The following ADGRE1 variants were observed in gnomAD, a reference collection of about 807,000 sequenced individuals.
ADGRE1 encodes the protein adhesion G protein-coupled receptor E1, also known as EGF-like module receptor 1.
Under a neutral mutation model 102.7 loss-of-function variants are expected in ADGRE1, and 82 were observed. That is an observed-to-expected ratio of 0.80 (90% confidence interval 0.67 to 0.96). The LOEUF is 0.96. Ranked by LOEUF, ADGRE1 falls within the 40% of genes least tolerant of loss-of-function variation. The probability of loss-of-function intolerance (pLI) is 0.00; values close to 1 mark genes in which losing one functional copy is unlikely to be tolerated. For synonymous variants in ADGRE1, 398 were observed against 399.6 expected, an observed-to-expected ratio of 1.00 and a Z score of 0.05; for missense variants, 1,032 against 1,085.3, an observed-to-expected ratio of 0.95 and a Z score of 0.69.
chr19:6,903,979 GAA>G, intron 7 of ADGRE1, 29 bp downstream of exon 7: 1 of 1,614,084 alleles, frequency 6.2e-7, no homozygotes, highest in Non-Finnish European at 8.5e-7. Context: ...GGACAATCCA[GAA>G]AAGACATTTC....
intron 14 of ADGRE1, among the ~76,000 whole-genome samples, chr19:6,922,178 A>G (rs960449546): frequency 5.9e-5 from 9 of 152,150 alleles, no homozygotes; most frequent in African/African-American, 2.2e-4. Context: ...TCTTTAAGTT[A>G]AGTGGTTTTA....
At chr19:6,902,781 G>A (rs1341201408) in intron 6 of ADGRE1, among the ~76,000 whole-genome samples, 1 of 152,172 alleles carries the variant, frequency 6.6e-6, no homozygotes, top group Non-Finnish European at 1.5e-5. Flanking sequence ...CTGTCGCCCA[G>A]GCTGGAGTGC....
chr19:6,934,448 G>A (rs1445610862), intron 17 of ADGRE1, among the ~76,000 whole-genome samples: 1 of 127,122 alleles, frequency 7.9e-6, no homozygotes, highest in Non-Finnish European at 1.6e-5. Context: ...TTGAGACACA[G>A]TCTTGCTCTG....
At chr19:6,898,423 G>T in intron 5 of ADGRE1, 1 of 1,601,266 alleles carries the variant, frequency 6.2e-7, no homozygotes, top group Non-Finnish European at 8.6e-7. Flanking sequence ...CACTGGAAAT[G>T]ACTGGATCCC....
At position 6,896,556 on chromosome 19, in the gene ADGRE1, C is replaced by G. The variant is rs1163197818; in HGVS notation, c.238+15C>G. 3 of 1,609,140 alleles carry G rather than the reference C, an allele frequency of 1.9e-6. No individual in the cohort carries two copies. The highest frequency in any genetic ancestry group is 2.6e-6 in the Non-Finnish European group (3 of 1,176,310). On this transcript the variant is annotated intron_variant, in intron 3 of 20. Coordinates refer to ENST00000312053, the MANE Select transcript of ADGRE1 (RefSeq NM_001974.5). Reference sequence around the variant, plus strand: ...GCGATGCAAAGGTGAGTTCATGTCCCCTCAAACCATCCAGCATTTGGTAGG... The same window carrying G: ...GCGATGCAAAGGTGAGTTCATGTCCGCTCAAACCATCCAGCATTTGGTAGG...
intron 10 of ADGRE1, among the ~76,000 whole-genome samples, chr19:6,910,620 G>T (rs1475296613): frequency 7.7e-6 from 1 of 130,492 alleles, no homozygotes; most frequent in Non-Finnish European, 1.6e-5. Context: ...TGCCCAGGCT[G>T]CAGTGCAATG....
intron 14 of ADGRE1, among the ~76,000 whole-genome samples, chr19:6,922,416 C>A (rs188376903): frequency 6.1e-4 from 93 of 151,756 alleles, no homozygotes; most frequent in Non-Finnish European, 9.9e-4. Flanking sequence ...GAGATCGAGA[C>A]CATCCTGGCC....
intron 8 of ADGRE1, among the ~76,000 whole-genome samples, 169 bp from the exon 9 acceptor site, chr19:6,906,264 G>A (rs758402252): frequency 6.6e-6 from 1 of 152,194 alleles, no homozygotes; most frequent in Non-Finnish European, 1.5e-5. Context: ...TAGTAAACAC[G>A]TCCTTCATGT....
At chr19:6,891,227 G>C (rs1331053217) in intron 2 of ADGRE1, 1 of 152,126 alleles carries the variant, frequency 6.6e-6, no homozygotes. Context: ...CTCCTGCCAT[G>C]TAAGTAAGAC....
intron 15 of ADGRE1, 44 bp downstream of exon 15, chr19:6,924,916 C>G: frequency 6.3e-7 from 1 of 1,595,412 alleles, no homozygotes; most frequent in African/African-American, 1.3e-5. Flanking sequence ...CCCATCTTCT[C>G]CCCACCTGCC....
chr19:6,915,946 A>AC (rs1974361982), intron 11 of ADGRE1, among the ~76,000 whole-genome samples: 4 of 150,510 alleles, frequency 2.7e-5, no homozygotes, highest in Admixed American at 6.6e-5. Flanking sequence ...AAAAAAAAAA[A>AC]CTTAGAGAGA....
intron 8 of ADGRE1, among the ~76,000 whole-genome samples, chr19:6,904,970 A>T (rs983270876): frequency 6.6e-6 from 1 of 152,064 alleles, no homozygotes; most frequent in Non-Finnish European, 1.5e-5. Flanking sequence ...CTCACACCAA[A>T]TGAGGACAAG....
chr19:6,916,488 G>T, intron 12 of ADGRE1, 120 bp downstream of exon 12: 1 of 1,304,452 alleles, frequency 7.7e-7, no homozygotes, highest in Non-Finnish European at 1.0e-6. Context: ...GGTAGAAATG[G>T]TCCATGCTCT....
intron 5 of ADGRE1, chr19:6,898,392 T>A (rs1319959916): frequency 6.2e-7 from 1 of 1,601,824 alleles, no homozygotes. Flanking sequence ...AGTGCAGCTG[T>A]TTAGATGGTT....
intron 14 of ADGRE1, among the ~76,000 whole-genome samples, chr19:6,923,828 T>A (rs796469158): frequency 2.8e-5 from 3 of 106,888 alleles, no homozygotes; most frequent in African/African-American, 1.1e-4. Flanking sequence ...CATGAGCCAC[T>A]GCGCCCAGCC....
Position 6,940,194 on chromosome 19 carries a change from T to C in ADGRE1, c.*165T>C. On this transcript the variant is annotated 3_prime_UTR_variant, in exon 21 of 21. Transcript: ENST00000312053. ...GTTGGGGGCGGTCTTCCTGTGGTTGTATGCACTGATGAGAAATCAGGCGTT... is the reference window on the plus strand; with the variant it reads ...GTTGGGGGCGGTCTTCCTGTGGTTGCATGCACTGATGAGAAATCAGGCGTT... 1 of 741,640 alleles carries C rather than the reference T, an allele frequency of 1.3e-6. No individual in the cohort carries two copies. Among genetic ancestry groups the C allele is most frequent in the Non-Finnish European group, 2.2e-6 (1 of 449,028 alleles). 45.9% of individuals were successfully genotyped at this position (741,640 alleles called of 1,614,324 possible).
intron 17 of ADGRE1, among the ~76,000 whole-genome samples, 179 bp from the exon 18 acceptor site, chr19:6,934,808 T>C (rs1042389198): frequency 1.3e-5 from 2 of 150,446 alleles, no homozygotes; most frequent in Non-Finnish European, 3.0e-5. Flanking sequence ...GGTTTCACCA[T>C]GTTTGCCAGG....
chr19:6,889,319 A>G (rs1421000372), intron 1 of ADGRE1, among the ~76,000 whole-genome samples: 4 of 151,888 alleles, frequency 2.6e-5, no homozygotes. Context: ...GATGATGGTG[A>G]TGATGATAGT....
chr19:6,940,388 A>G lies in ADGRE1; in HGVS notation c.*359A>G, dbSNP rs1189674400. ...TAAGCATGCCCCTCCAGAGCCTATC[A>G]TACGCCTGATACAGAGAACCTCTCA... is the stretch of plus-strand genomic sequence containing the variant. On this transcript the variant is annotated 3_prime_UTR_variant, in exon 21 of 21. Transcript: ENST00000312053. 2 of 300,962 alleles carry G rather than the reference A, an allele frequency of 6.6e-6. No homozygotes were observed. Among genetic ancestry groups the G allele is most frequent in the Non-Finnish European group, 1.2e-5 (2 of 161,052 alleles). The allele number at this position is 300,962 out of a possible 1,614,324, so 18.6% of individuals were successfully genotyped here.
Sources: gnomAD v4.1 joint callset for allele counts (sites outside exome capture counted in the v4.1 genomes callset) on GRCh38, gnomAD v4.1.1 for gene constraint, MANE v1.5 for transcripts, NCBI Gene and HGNC (gene_info 2026-07-23, HGNC 2026-07-21) for gene names.